The following UACA variants were observed in gnomAD, a reference collection of about 807,000 sequenced individuals.
UACA encodes the protein uveal autoantigen with coiled-coil domains and ankyrin repeats, also known as nuclear membrane binding protein.
UACA carries 112 observed loss-of-function variants against 160.5 expected under a neutral mutation model. That is an observed-to-expected ratio of 0.70 (90% CI 0.60 to 0.82). The LOEUF (loss-of-function observed/expected upper bound fraction) is 0.82. UACA is among the 40% of genes least tolerant of loss of function. The pLI is 0.00. For synonymous variants in UACA, 557 were observed against 568.4 expected (o/e 0.98, Z 0.29); for missense variants, 1,574 against 1,614.6 (o/e 0.97, Z 0.43).
intron 3 of UACA, among the ~76,000 whole-genome samples, chr15:70,692,658 G>T (rs147071843): frequency 5.7e-4 from 87 of 152,056 alleles, no homozygotes; most frequent in African/African-American, 2.0e-3. Flanking sequence ...TAGTCCCAGC[G>T]ACTCAGAAGG....
At chr15:70,770,608 G>C in the UACA span, among the ~76,000 whole-genome samples, 2 of 152,122 alleles carry the variant, frequency 1.3e-5, no homozygotes, top group African/African-American at 4.8e-5. Flanking sequence ...TTTTAATTTT[G>C]CCAGGCTAGG....
chr15:70,679,780 C>T, intron 9 of UACA, 104 bp from the exon 10 acceptor site: 1 of 649,096 alleles, frequency 1.5e-6, no homozygotes, highest in Non-Finnish European at 2.6e-6. Flanking sequence ...TCAGTTTATC[C>T]AACATTAGCT....
intron 5 of UACA, among the ~76,000 whole-genome samples, chr15:70,690,171 TCA>T (rs113784036): frequency 0.011 from 1,701 of 149,514 alleles, 27 homozygotes; most frequent in African/African-American, 0.04. Flanking sequence ...TCTCTCTCTC[TCA>T]CACACACACA....
chr15:70,666,177 TAAG>T (rs1168549215), intron 16 of UACA, among the ~76,000 whole-genome samples: 1 of 152,178 alleles, frequency 6.6e-6, no homozygotes, highest in African/African-American at 2.4e-5. Flanking sequence ...GTGAGGGCTT[TAAG>T]AAGGAGGATA....
chr15:70,673,208 A>G (rs1897195479), intron 13 of UACA, among the ~76,000 whole-genome samples: 2 of 152,080 alleles, frequency 1.3e-5, no homozygotes, highest in Admixed American at 1.3e-4. Flanking sequence ...CGGGGAGGTC[A>G]AGGCTACAGT....
Position 70,684,336 on chromosome 15 carries a change from T to C in UACA, c.713A>G (p.Tyr238Cys), listed in dbSNP as rs1475247322. ...LLDALGHDSS[Y>C]YARIGDNLDI... ...CAGATTGTCACCAATTCTTGCATAG[T>C]AAGAACTATCATGGCCAAGCGCATC... Residue 238 changes from tyrosine to cysteine, a missense_variant, in exon 8 of 19, where the codon TAC becomes TGC. Transcript: ENST00000322954. 2 of 1,613,784 alleles carry C rather than the reference T, an allele frequency of 1.2e-6. No homozygotes were observed. The highest frequency in any genetic ancestry group is 3.3e-5 in the Admixed American group (2 of 59,990).
intron 1 of UACA, among the ~76,000 whole-genome samples, chr15:70,720,569 G>C (rs899815237): frequency 6.6e-6 from 1 of 152,142 alleles, no homozygotes; most frequent in African/African-American, 2.4e-5. Context: ...TTAGTTCATT[G>C]ATCTCTGGAT....
rs186667312 is a variant in UACA, at chr15:70,709,735, T to C, written c.79-10075A>G. Among the ~76,000 whole-genome samples the C allele has an allele frequency of 9.2e-5, 14 of 152,358 alleles. No homozygotes were observed. The East Asian group carries it at 2.7e-3, about 29-fold the overall frequency. ...GACAGAAAGTCTCCTAAGAAATTTG[T>C]AGATGCAAATAAGTAAGTAGACTTT... On this transcript the variant is annotated intron_variant, in intron 1 of 18. Transcript: ENST00000322954.
intron 1 of UACA, among the ~76,000 whole-genome samples, chr15:70,753,586 C>T (rs115050215): frequency 6.6e-6 from 1 of 152,162 alleles, no homozygotes; most frequent in South Asian, 2.1e-4. Flanking sequence ...ATTTAACTTG[C>T]ATCTGAAATG....
chr15:70,740,770 G>C (rs377409442), intron 1 of UACA, among the ~76,000 whole-genome samples: 2 of 151,144 alleles, frequency 1.3e-5, no homozygotes, highest in East Asian at 4.0e-4. Flanking sequence ...GGCCGGGCGC[G>C]GTGGCTCACA....
chr15:70,667,621 T>C lies in UACA; in HGVS notation c.3063A>G (p.Glu1021=). The part of the protein sequence containing the change: ...EQTQKYSVSE[E]EVKKNKQEND... ...TCTCTTGCTTGTTTTTCTTGACTTC[T>C]TCTTCACTGACACTATACTTTTGTG... The change falls in exon 16 of 19, where the codon GAA becomes GAG. Residue 1021 remains glutamate, a synonymous_variant. Coordinates refer to ENST00000322954, the MANE Select transcript of UACA (RefSeq NM_018003.4). The C allele has an allele frequency of 1.2e-6, 2 of 1,612,882 alleles. No homozygotes were observed. Among genetic ancestry groups the C allele is most frequent in the South Asian group, 1.1e-5 (1 of 90,976 alleles).
intron 10 of UACA, 55 bp from the exon 11 acceptor site, chr15:70,678,261 A>C: frequency 7.4e-7 from 1 of 1,347,704 alleles, no homozygotes; most frequent in African/African-American, 1.5e-5. Context: ...GCAAATTCTT[A>C]AAGGAGAAAT....
intron 1 of UACA, chr15:70,702,380 G>C: frequency 1.5e-5 from 14 of 903,338 alleles, no homozygotes; most frequent in Non-Finnish European, 1.9e-5. Context: ...TTCTACTTTA[G>C]ATTCCATAGG....
intron 14 of UACA, 139 bp downstream of exon 14, chr15:70,671,826 C>T: frequency 3.7e-6 from 2 of 534,778 alleles, no homozygotes; most frequent in Non-Finnish European, 3.0e-6. Context: ...TAACGTCTTC[C>T]TAGTTCCATG....
At chr15:70,676,465 T>TA in intron 13 of UACA, 28 bp downstream of exon 13, 1 of 1,456,590 alleles carries the variant, frequency 6.9e-7, no homozygotes, top group South Asian at 1.2e-5. Flanking sequence ...CATTATGAAT[T>TA]ACAGGAAATA....
At chr15:70,762,128 C>A (rs1170709596) in intron 1 of UACA, among the ~76,000 whole-genome samples, 1 of 152,088 alleles carries the variant, frequency 6.6e-6, no homozygotes, top group Non-Finnish European at 1.5e-5. Context: ...CAAAGAACAT[C>A]AATTACGTCA....
chr15:70,691,482 T>C (rs1330905716), intron 3 of UACA, 119 bp from the exon 4 acceptor site: 1 of 653,358 alleles, frequency 1.5e-6, no homozygotes, highest in East Asian at 2.9e-5. Flanking sequence ...AATCTGTAAG[T>C]ATACTTTCAG....
chr15:70,769,480 G>A, the UACA span, among the ~76,000 whole-genome samples: 2 of 151,536 alleles, frequency 1.3e-5, no homozygotes, highest in Non-Finnish European at 2.9e-5. Flanking sequence ...TTCAGTTATG[G>A]GAAAGGGAAA....
intron 1 of UACA, among the ~76,000 whole-genome samples, chr15:70,725,691 T>C (rs868864758): frequency 6.6e-6 from 1 of 152,192 alleles, no homozygotes; most frequent in East Asian, 1.9e-4. Context: ...TATGTTATCA[T>C]TGAACCAAAA....
Sources: allele counts gnomAD v4.1 joint callset (sites outside exome capture counted in the v4.1 genomes callset), GRCh38; gene constraint gnomAD v4.1.1; transcripts MANE v1.5; gene names NCBI Gene and HGNC (gene_info 2026-07-23, HGNC 2026-07-21).